The following EIF3F variants were observed in gnomAD, a reference collection of about 807,000 sequenced individuals.
EIF3F encodes the protein eukaryotic translation initiation factor 3 subunit F.
A neutral mutation model predicts 36.0 loss-of-function variants in EIF3F; 8 were observed. The ratio of observed to expected loss-of-function variants is 0.22; its 90% confidence interval spans 0.13 to 0.40. The LOEUF (loss-of-function observed/expected upper bound fraction) is 0.40. EIF3F is among the 10% of genes least tolerant of loss of function. EIF3F has a pLI of 1.00. For synonymous variants in EIF3F, 184 were observed against 188.5 expected (o/e 0.98, Z 0.19); for missense variants, 430 against 467.6 (o/e 0.92, Z 0.74).
Position 7,999,086 on chromosome 11 carries a change from C to G in EIF3F, c.*3064C>G, listed in dbSNP as rs1942192400. The G allele has an allele frequency of 1.3e-5, 2 of 151,520 alleles. No individual in the cohort carries two copies. Among genetic ancestry groups the G allele is most frequent in the African/African-American group, 4.8e-5 (2 of 41,332 alleles). The allele number at this position is 151,520 out of a possible 1,614,324, so 9.4% of individuals were successfully genotyped here. A position where few individuals can be genotyped will look rare whatever the true frequency, so the allele number is the denominator to read the frequency against. On this transcript the variant is annotated 3_prime_UTR_variant, in exon 8 of 8. Coordinates refer to ENST00000651655, the MANE Select transcript of EIF3F (RefSeq NM_003754.3). ...CCAGCGTGGCCAACATGGCAAAACC[C>G]CGTCTCTACTAAAAAAAAACAAAAA...
intron 3 of EIF3F, 38 bp downstream of exon 3, chr11:7,992,201 T>A (rs763369944): frequency 7.8e-6 from 12 of 1,546,334 alleles, no homozygotes; most frequent in Non-Finnish European, 9.7e-6. Context: ...TAATGGAAGG[T>A]CTCTTCGTGA....
intron 1 of EIF3F, 85 bp downstream of exon 1, chr11:7,987,801 C>G: frequency 1.4e-6 from 2 of 1,380,410 alleles, no homozygotes; most frequent in Middle Eastern, 2.3e-4. Flanking sequence ...TTCTTTAATT[C>G]CTGGTGTCCT....
chr11:7,987,904 CCTCT>C (rs1589903094), intron 1 of EIF3F, 188 bp downstream of exon 1: 3 of 815,052 alleles, frequency 3.7e-6, no homozygotes, highest in African/African-American at 1.8e-5. Flanking sequence ...TTGCATCTCT[CCTCT>C]CTCTCCTGCC....
intron 1 of EIF3F, among the ~76,000 whole-genome samples, chr11:7,991,107 A>C (rs998527519): frequency 6.6e-6 from 1 of 151,968 alleles, no homozygotes; most frequent in African/African-American, 2.4e-5. Flanking sequence ...AGGCAGGAGA[A>C]TCACTTGAAC....
At chr11:7,992,824 C>G in intron 3 of EIF3F, 63 bp from the exon 4 acceptor site, 1 of 1,609,804 alleles carries the variant, frequency 6.2e-7, no homozygotes, top group Admixed American at 1.7e-5. Flanking sequence ...ACCCATGCCA[C>G]TGTTGTGTTT....
intron 2 of EIF3F, 65 bp downstream of exon 2, chr11:7,991,916 G>A (rs998994212): frequency 1.3e-5 from 21 of 1,577,896 alleles, no homozygotes; most frequent in Middle Eastern, 1.7e-4. Flanking sequence ...CTCCCCTCAC[G>A]GTCCCTCCCA....
rs540337949 is a variant in EIF3F, at chr11:7,998,270, T to C, written c.*2248T>C. 2 of 152,200 alleles carry C rather than the reference T, an allele frequency of 1.3e-5. No individual in the cohort carries two copies. Among genetic ancestry groups the C allele is most frequent in the Non-Finnish European group, 2.9e-5 (2 of 68,048 alleles). The allele number at this position is 152,200 out of a possible 1,614,324, so 9.4% of individuals were successfully genotyped here. ...TCAGTACATAAACTTGTTACATGTG[T>C]TTCTGTTTGAAGACACCTTAGTATA... On this transcript the variant is annotated 3_prime_UTR_variant, in exon 8 of 8. Coordinates refer to ENST00000651655, the MANE Select transcript of EIF3F (RefSeq NM_003754.3).
At chr11:7,992,204 C>T in intron 3 of EIF3F, 41 bp downstream of exon 3, 6 of 1,528,320 alleles carry the variant, frequency 3.9e-6, no homozygotes, top group Non-Finnish European at 4.5e-6. Flanking sequence ...TGGAAGGTCT[C>T]TTCGTGATTG....
intron 3 of EIF3F, chr11:7,992,551 T>C: frequency 2.3e-6 from 1 of 430,820 alleles, no homozygotes; most frequent in Non-Finnish European, 4.2e-6. Flanking sequence ...CATTCCAGCC[T>C]GAGTGACAGA....
Position 7,993,016 on chromosome 11 carries a change from C to T in EIF3F, c.645C>T (p.Ala215=), listed in dbSNP as rs1441373392. ...AGAACGGCCGCATGAGCATCAAAGC[C>T]TACGTCAGGTGACCACAGTCTTGGG... ...SLQNGRMSIK[A]YVSTLMGVPG... Residue 215 remains alanine, a synonymous_variant, in exon 4 of 8, where the codon GCC becomes GCT. Coordinates refer to ENST00000651655, the MANE Select transcript of EIF3F (RefSeq NM_003754.3). 6.3e-7 allele frequency: 1 copy of T among 1,596,112 alleles called. No homozygotes were observed. Among genetic ancestry groups the T allele is most frequent in the Admixed American group, 1.7e-5 (1 of 57,888 alleles).
rs1942202376 is a variant in EIF3F at position 7,999,980 on chromosome 11, G to C, written c.*3958G>C. On this transcript the variant is annotated 3_prime_UTR_variant, in exon 8 of 8. Coordinates refer to ENST00000651655, the MANE Select transcript of EIF3F (RefSeq NM_003754.3). ...GCACTTTGGGAGGCCAAGGCAGGTG[G>C]ATCATTTGAGGTCAGAAGTTCTTGA... 1 of 152,182 alleles carries C rather than the reference G, an allele frequency of 6.6e-6. No homozygotes were observed. The highest frequency in any genetic ancestry group is 6.6e-5 in the Admixed American group (1 of 15,266). 9.4% of individuals were successfully genotyped at this position (152,182 alleles called of 1,614,324 possible).
At chr11:7,989,896 C>T (rs943574650) in intron 1 of EIF3F, among the ~76,000 whole-genome samples, 7 of 152,102 alleles carry the variant, frequency 4.6e-5, no homozygotes, top group Non-Finnish European at 1.0e-4. Context: ...AGGGCAGAGC[C>T]CTAAGAAGTA....
Position 7,987,486 on chromosome 11 carries a change from C to T in EIF3F, c.134C>T (p.Ser45Leu), listed in dbSNP as rs201444896. The T allele has an allele frequency of 5.7e-4, 913 of 1,606,384 alleles. 4 individuals carry two copies. Among genetic ancestry groups the T allele is most frequent in the Non-Finnish European group, 9.8e-5 (116 of 1,178,174 alleles). Residue 45 changes from serine (S) to leucine (L), a missense_variant, in exon 1 of 8, where the codon TCA (serine) becomes TTA (leucine). By Grantham distance (145) the Ser-to-Leu change is moderately radical (BLOSUM62 -2). This residue lies in a region of EIF3F where 168 missense variants were observed against 120.2 expected (regional missense o/e 1.40). Coordinates refer to ENST00000651655, the MANE Select transcript of EIF3F (RefSeq NM_003754.3). ...CCGGTTCCCGCTGCGGCTCCAGCCT[C>T]ATCCTCAGACCCTGCGGCAGCAGCG... ...AAPVPAAAPASSSDPAAAAAA... is the reference protein window; with the variant it reads ...AAPVPAAAPALSSDPAAAAAA...
intron 1 of EIF3F, chr11:7,987,921 ATTGCTGTCACT>A: frequency 1.4e-6 from 1 of 702,810 alleles, no homozygotes; most frequent in Non-Finnish European, 2.0e-6. Context: ...CTCCTGCCGG[ATTGCTGTCACT>A]TTAAGCGACA....
At chr11:7,993,452 T>G (rs1445447917) in intron 4 of EIF3F, among the ~76,000 whole-genome samples, 4 of 152,120 alleles carry the variant, frequency 2.6e-5, no homozygotes, top group African/African-American at 9.7e-5. Context: ...CTGTCCTTAT[T>G]TTGAACACAT....
chr11:7,990,900 T>TAAATAAATA (rs1554914921), intron 1 of EIF3F, among the ~76,000 whole-genome samples: 5 of 136,974 alleles, frequency 3.7e-5, no homozygotes, highest in Non-Finnish European at 6.3e-5. Flanking sequence ...AATAAATAAA[T>TAAATAAATA]AAAAGAAATA....
chr11:8,000,812 GAAA>G lies in EIF3F; in HGVS notation c.*4797_*4799del, dbSNP rs200184376. 1 of 149,510 alleles carries G rather than the reference GAAA, an allele frequency of 6.7e-6. No individual in the cohort carries two copies. Among genetic ancestry groups the G allele is most frequent in the African/African-American group, 2.5e-5 (1 of 40,628 alleles). The allele number at this position is 149,510 out of a possible 1,614,324, so 9.3% of individuals were successfully genotyped here. A position where few individuals can be genotyped will look rare whatever the true frequency, so the allele number is the denominator to read the frequency against. ...TTGCTCATGGAATAAAAACTTGTCTGAAAAAAAAACCATAAATATGAGGGAAAA... is the reference window on the plus strand; with the variant it reads ...TTGCTCATGGAATAAAAACTTGTCTGAAAAAACCATAAATATGAGGGAAAA... On this transcript the variant is annotated 3_prime_UTR_variant, in exon 8 of 8. Transcript: ENST00000651655.
At position 7,987,693 on chromosome 11, in the gene EIF3F, C is replaced by A; in HGVS notation, c.341C>A (p.Ala114Asp). 6.6e-7 allele frequency: 1 copy of A among 1,515,142 alleles called. No homozygotes were observed. The highest frequency in any genetic ancestry group is 8.8e-7 in the Non-Finnish European group (1 of 1,133,878). 93.9% of individuals were successfully genotyped at this position (1,515,142 alleles called of 1,614,324 possible). A position where few individuals can be genotyped will look rare whatever the true frequency, so the allele number is the denominator to read the frequency against. ...TACGAGAGACGCAACGAGGGTGCTG[C>A]CCGAGTTATCGGGACCCTGTTGGGT... ...DSYERRNEGA[A>D]RVIGTLLGTV... Residue 114 changes from alanine to aspartate, a missense_variant, in exon 1 of 8, where the codon GCC becomes GAC. Physicochemically the swap from Ala to Asp is moderately radical, Grantham distance 126. Around this residue, in one of 2 missense-constraint regions of EIF3F, gnomAD observed 262 missense variants for 347.4 expected, o/e 0.75. Coordinates refer to ENST00000651655, the MANE Select transcript of EIF3F (RefSeq NM_003754.3).
Position 7,999,865 on chromosome 11 carries a change from C to G in EIF3F, c.*3843C>G, listed in dbSNP as rs1372300562. The G allele has an allele frequency of 6.6e-6, 1 of 152,218 alleles. No homozygotes were observed. Among genetic ancestry groups the G allele is most frequent in the Non-Finnish European group, 1.5e-5 (1 of 68,046 alleles). The allele number at this position is 152,218 out of a possible 1,614,324, so 9.4% of individuals were successfully genotyped here. The stretch of plus-strand genomic sequence containing the variant: ...AGAGATACTTCCACGTTCACTGAAG[C>G]ATTGTTCACAATCGCCAAGACATCA... On this transcript the variant is annotated 3_prime_UTR_variant, in exon 8 of 8. Coordinates refer to ENST00000651655, the MANE Select transcript of EIF3F (RefSeq NM_003754.3).
Sources: allele counts gnomAD v4.1 joint callset (sites outside exome capture counted in the v4.1 genomes callset), GRCh38; gene constraint gnomAD v4.1.1; regional missense constraint gnomAD v4.1.1; transcripts MANE v1.5; gene names NCBI Gene and HGNC (gene_info 2026-07-23, HGNC 2026-07-21).